Variants in PSTPIP1 observed in about 807,000 individuals in gnomAD.
PSTPIP1 encodes the protein proline-serine-threonine phosphatase interacting protein 1.
PSTPIP1 carries 66 observed loss-of-function variants against 69.6 expected under a neutral mutation model. The ratio of observed to expected loss-of-function variants is 0.95; its 90% CI spans 0.78 to 1.16. The LOEUF is 1.16. PSTPIP1 is among the 50% of genes most tolerant of loss of function. The probability of loss-of-function intolerance (pLI) is 0.00; values close to 1 mark genes in which losing one functional copy is unlikely to be tolerated. For missense variants in PSTPIP1, 603 were observed against 557.4 expected (o/e 1.08, Z -0.82); for synonymous variants, 266 against 222.7 (o/e 1.19, Z -1.73).
rs1282581740 is a variant in PSTPIP1 at position 77,027,938 on chromosome 15, C to A, written c.417+24C>A. ...AGGTGAGCGCCAGGGCCTGGGGCCG[C>A]GGCCTTCCCTCGAGGAGCAGCGCAG... On this transcript the variant is annotated intron_variant, in intron 6 of 14. Transcript: ENST00000558012. The surrounding 1 kb of genome is among the most constrained non-coding windows in gnomAD (Gnocchi z 4.3). The A allele has an allele frequency of 6.5e-7, 1 of 1,537,554 alleles. No homozygotes were observed. The highest frequency in any genetic ancestry group is 1.2e-5 in the South Asian group (1 of 83,730).
chr15:77,028,768 C>A, intron 7 of PSTPIP1, 116 bp downstream of exon 7: 1 of 879,174 alleles, frequency 1.1e-6, no homozygotes, highest in Non-Finnish European at 1.7e-6. Flanking sequence ...TGCTGCTTAG[C>A]CCTCTCTGAC....
intron 11 of PSTPIP1, 24 bp downstream of exon 11, chr15:77,032,418 GC>G: frequency 1.2e-6 from 2 of 1,610,060 alleles, no homozygotes; most frequent in Non-Finnish European, 1.7e-6. Context: ...TGCGGACAGC[GC>G]AGCCTCTAGG....
intron 1 of PSTPIP1, among the ~76,000 whole-genome samples, chr15:77,016,995 C>T (rs2076064060): frequency 6.6e-6 from 1 of 152,106 alleles, no homozygotes; most frequent in South Asian, 2.1e-4. Context: ...GGGACTTCTT[C>T]CTCCAGTCTC....
In PSTPIP1 at chr15:77,037,140, T is replaced by A. The variant is rs887633148; in HGVS notation, c.1215T>A (p.Arg405=). 1 of 1,611,730 alleles carries A rather than the reference T, an allele frequency of 6.2e-7. No individual in the cohort carries two copies. Among genetic ancestry groups the A allele is most frequent in the Non-Finnish European group, 8.5e-7 (1 of 1,179,522 alleles). The change falls in exon 15 of 15, where the codon CGT becomes CGA. Residue 405 remains arginine, a synonymous_variant. Coordinates refer to ENST00000558012, the MANE Select transcript of PSTPIP1 (RefSeq NM_003978.5). ...GWWTVERNGQ[R]GFVPGSYLEK... is the part of the protein sequence containing the mutation. Reference sequence around the variant, plus strand: ...GGACTGTGGAGAGGAACGGGCAGCGTGGCTTCGTCCCTGGTTCCTACCTGG... The same window carrying A: ...GGACTGTGGAGAGGAACGGGCAGCGAGGCTTCGTCCCTGGTTCCTACCTGG...
At chr15:77,024,207 T>G (rs2076223790) in intron 3 of PSTPIP1, 1 of 152,210 alleles carries the variant, frequency 6.6e-6, no homozygotes, top group African/African-American at 2.4e-5. Flanking sequence ...GAATCTGTAT[T>G]TCTAACAGGC....
At chr15:77,029,599 C>T (rs554716820) in intron 8 of PSTPIP1, 25 bp downstream of exon 8, 97 of 1,560,996 alleles carry the variant, frequency 6.2e-5, no homozygotes, top group East Asian at 1.9e-4. Flanking sequence ...CTGCCCCGTC[C>T]GACCAGGGCG....
chr15:77,008,157 T>C (rs748205341), intron 1 of PSTPIP1: 2 of 439,170 alleles, frequency 4.6e-6, no homozygotes, highest in Non-Finnish European at 9.2e-6. Context: ...CGCAGCCAGG[T>C]GTGAGGTCTG....
chr15:77,031,332 A>T, intron 10 of PSTPIP1, 54 bp downstream of exon 10: 2 of 1,562,344 alleles, frequency 1.3e-6, no homozygotes, highest in African/African-American at 2.7e-5. Flanking sequence ...CTAGGCAGCA[A>T]AGCACCCAGG....
chr15:76,995,101 G>C (rs925190652), upstream of PSTPIP1: 2 of 1,177,462 alleles, frequency 1.7e-6, no homozygotes, highest in Admixed American at 3.9e-5. Flanking sequence ...CGAGGGCCCT[G>C]TGCCTGCCCC....
chr15:76,999,834 T>C (rs561088167), intron 1 of PSTPIP1, among the ~76,000 whole-genome samples: 1 of 152,362 alleles, frequency 6.6e-6, no homozygotes, highest in South Asian at 2.1e-4. Flanking sequence ...AACCTGTATG[T>C]CTATCCAATG....
chr15:77,018,300 C>T (rs973046358), intron 2 of PSTPIP1, 52 bp downstream of exon 2: 56 of 1,545,762 alleles, frequency 3.6e-5, no homozygotes, highest in Middle Eastern at 3.4e-4. Flanking sequence ...AGGTGGCTTC[C>T]GCTCGGCTCC....
intron 1 of PSTPIP1, among the ~76,000 whole-genome samples, chr15:77,014,722 G>T (rs998302617): frequency 6.6e-6 from 1 of 152,218 alleles, no homozygotes; most frequent in Non-Finnish European, 1.5e-5. Flanking sequence ...GGCCCTGGCC[G>T]GCTCACAGGC....
chr15:77,036,844 G>A (rs1208985254), intron 14 of PSTPIP1, among the ~76,000 whole-genome samples: 1 of 152,148 alleles, frequency 6.6e-6, no homozygotes, highest in African/African-American at 2.4e-5. Flanking sequence ...CCAGGTTGGG[G>A]GAGAACTATG....
chr15:77,030,928 C>T (rs945176353), intron 9 of PSTPIP1, among the ~76,000 whole-genome samples: 1 of 152,248 alleles, frequency 6.6e-6, no homozygotes. Flanking sequence ...TCTCACTACC[C>T]TTCTGCCTCG....
intron 12 of PSTPIP1, among the ~76,000 whole-genome samples, chr15:77,035,188 G>T (rs556892268): frequency 6.6e-6 from 1 of 152,324 alleles, no homozygotes; most frequent in Admixed American, 6.5e-5. Flanking sequence ...AGGGCCATGG[G>T]AGTCTTCCAA....
chr15:77,030,901 C>T (rs1358192971), intron 9 of PSTPIP1, among the ~76,000 whole-genome samples: 5 of 152,246 alleles, frequency 3.3e-5, no homozygotes, highest in Admixed American at 3.3e-4. Context: ...GGGCTCAGGA[C>T]TCCCGTCCGA....
At chr15:77,013,081 G>A (rs1246726229) in intron 1 of PSTPIP1, among the ~76,000 whole-genome samples, 3 of 152,218 alleles carry the variant, frequency 2.0e-5, no homozygotes, top group African/African-American at 7.2e-5. Context: ...AACCCACAGT[G>A]TCAGCCACAC....
chr15:77,031,157 C>A, intron 9 of PSTPIP1, 23 bp from the exon 10 acceptor site: 1 of 1,607,272 alleles, frequency 6.2e-7, no homozygotes, highest in Non-Finnish European at 8.5e-7. Context: ...CCTCACTGCT[C>A]ACCTCCCTCC....
At chr15:77,017,561 A>C (rs115902547) in intron 1 of PSTPIP1, among the ~76,000 whole-genome samples, 3,663 of 152,272 alleles carry the variant, frequency 0.024, 133 homozygotes, top group African/African-American at 0.08. Context: ...CAGAGAGCCC[A>C]GCGCAGCATC....
Sources: allele counts gnomAD v4.1 joint callset (sites outside exome capture counted in the v4.1 genomes callset), GRCh38; gene constraint gnomAD v4.1.1; non-coding constraint Gnocchi (gnomAD v3.1); transcripts MANE v1.5; gene names NCBI Gene and HGNC (gene_info 2026-07-23, HGNC 2026-07-21).